NPL: variants seen among roughly 807,000 people sequenced by gnomAD.
NPL encodes N-acetylneuraminate pyruvate lyase.
In NPL, 32 loss-of-function variants were observed where a neutral mutation model predicts 41.1. The ratio of observed to expected loss-of-function variants is 0.78; its 90% CI spans 0.59 to 1.05. The LOEUF (loss-of-function observed/expected upper bound fraction) is 1.05, where lower values mean the gene tolerates loss of function less well. NPL is among the 50% of genes least tolerant of loss of function. The pLI is 0.00. For synonymous variants in NPL, 128 were observed against 134.9 expected, an observed-to-expected ratio of 0.95 and a Z score of 0.35; for missense variants, 321 against 378.4, an observed-to-expected ratio of 0.85 and a Z score of 1.26.
At chr1:182,816,843 A>C (rs777850769) in intron 8 of NPL, 37 bp downstream of exon 8, 1 of 1,489,566 alleles carries the variant, frequency 6.7e-7, no homozygotes, top group Non-Finnish European at 9.3e-7. Context: ...TTTCCTTCCA[A>C]CTCTCACATC....
At position 182,792,293 on chromosome 1, in the gene NPL, G is replaced by T. The variant is rs12137908; in HGVS notation, c.-17+7G>T. On this transcript the variant is annotated splice_region_variant and intron_variant, in intron 2 of 12. Coordinates refer to ENST00000367553, the MANE Select transcript of NPL (RefSeq NM_030769.3). The stretch of plus-strand genomic sequence containing the variant: ...GCTCAAGGTCACCTACCTGGTAAGT[G>T]GTGGAGCCAGGATGCAGATCCATGA... The T allele has an allele frequency of 0.083, 12,588 of 152,260 alleles. 616 individuals are homozygous for T. Among genetic ancestry groups the T allele is most frequent in the African/African-American group, 0.14 (5,890 of 41,512 alleles). 9.4% of individuals were successfully genotyped at this position (152,260 alleles called of 1,614,324 possible). A position where few individuals can be genotyped will look rare whatever the true frequency, so the allele number is the denominator to read the frequency against.
intron 3 of NPL, 152 bp from the exon 4 acceptor site, chr1:182,803,546 C>T: frequency 1.5e-6 from 1 of 661,244 alleles, no homozygotes; most frequent in Non-Finnish European, 2.7e-6. Context: ...GGAAAAAAAC[C>T]CCAGGCATTA....
intron 11 of NPL, 88 bp from the exon 12 acceptor site, chr1:182,825,693 T>A: frequency 2.1e-6 from 2 of 939,316 alleles, no homozygotes; most frequent in Non-Finnish European, 3.5e-6. Flanking sequence ...TGCAGACTTT[T>A]TAGGGTTTCT....
intron 12 of NPL, chr1:182,826,131 G>C: frequency 4.5e-6 from 2 of 445,566 alleles, no homozygotes; most frequent in Non-Finnish European, 8.2e-6. Context: ...CATTGAGGTT[G>C]ATTTCAGCCT....
intron 12 of NPL, chr1:182,826,692 G>A (rs1667639332): frequency 1.3e-5 from 2 of 152,144 alleles, no homozygotes; most frequent in African/African-American, 4.8e-5. Flanking sequence ...CTAAGCAATG[G>A]TTTCACAAAA....
At chr1:182,806,426 G>A (rs1557944949) in intron 5 of NPL, 194 bp downstream of exon 5, 2 of 1,538,098 alleles carry the variant, frequency 1.3e-6, no homozygotes, top group Non-Finnish European at 1.7e-6. Context: ...CAGAAGGGCA[G>A]CCAAACTGCT....
chr1:182,796,220 A>G, intron 3 of NPL, among the ~76,000 whole-genome samples: 1 of 151,990 alleles, frequency 6.6e-6, no homozygotes, highest in African/African-American at 2.4e-5. Flanking sequence ...TAAGAAATAA[A>G]TAGTGTAGGT....
chr1:182,796,132 C>A (rs2102527512), intron 3 of NPL, among the ~76,000 whole-genome samples: 1 of 132,230 alleles, frequency 7.6e-6, no homozygotes, highest in African/African-American at 3.0e-5. Context: ...CTGCGTTTTT[C>A]TTCTAGGAAC....
chr1:182,821,526 T>C (rs1667486413), intron 10 of NPL, among the ~76,000 whole-genome samples: 1 of 152,194 alleles, frequency 6.6e-6, no homozygotes, highest in Non-Finnish European at 1.5e-5. Flanking sequence ...AAACCAGGCC[T>C]ACCTTGCAGG....
At chr1:182,806,623 A>G in intron 5 of NPL, 1 of 1,401,028 alleles carries the variant, frequency 7.1e-7, no homozygotes, top group Non-Finnish European at 9.6e-7. Context: ...TGAGCGCCTG[A>G]TGCTTGTATT....
At chr1:182,806,282 A>G (rs1216321697) in intron 5 of NPL, 50 bp downstream of exon 5, 7 of 1,612,042 alleles carry the variant, frequency 4.3e-6, no homozygotes, top group African/African-American at 1.3e-5. Flanking sequence ...AGCTGTATTC[A>G]GTGAGCCTCT....
intron 10 of NPL, among the ~76,000 whole-genome samples, chr1:182,821,868 T>G (rs889120241): frequency 7.2e-5 from 11 of 152,132 alleles, no homozygotes; most frequent in African/African-American, 2.7e-4. Context: ...ACCTCCATCT[T>G]TTTTATCTTT....
At chr1:182,809,200 G>A (rs764717976) in intron 5 of NPL, 4 of 450,984 alleles carry the variant, frequency 8.9e-6, no homozygotes, top group Non-Finnish European at 1.8e-5. Context: ...ACCATCATAA[G>A]TTGGGGACCA....
intron 1 of NPL, among the ~76,000 whole-genome samples, chr1:182,790,932 C>T (rs3828158): frequency 5.3e-5 from 8 of 152,174 alleles, no homozygotes; most frequent in Non-Finnish European, 1.5e-5. Flanking sequence ...CTTGAGCCAC[C>T]GCGCCCGGCC....
At chr1:182,798,631 A>G (rs1476500435) in intron 3 of NPL, among the ~76,000 whole-genome samples, 1 of 152,210 alleles carries the variant, frequency 6.6e-6, no homozygotes. Flanking sequence ...TCGAGAAAAA[A>G]GTTGTGTTTT....
At chr1:182,806,270 A>G in intron 5 of NPL, 38 bp downstream of exon 5, 3 of 1,613,620 alleles carry the variant, frequency 1.9e-6, no homozygotes, top group Non-Finnish European at 2.5e-6. Context: ...CCCTTTGGCA[A>G]CAGCTGTATT....
chr1:182,800,919 G>A (rs999928647), intron 3 of NPL, among the ~76,000 whole-genome samples: 7 of 151,626 alleles, frequency 4.6e-5, no homozygotes, highest in African/African-American at 7.3e-5. Context: ...TAGTAGAGAC[G>A]GGATTTCACC....
At chr1:182,826,020 T>A in intron 12 of NPL, 200 bp downstream of exon 12, 1 of 632,120 alleles carries the variant, frequency 1.6e-6, no homozygotes, top group Non-Finnish European at 2.8e-6. Flanking sequence ...GGCAACCTTC[T>A]CCATTTTAGC....
chr1:182,829,199 A>G lies in NPL; in HGVS notation c.*291A>G, dbSNP rs1006257064. The G allele has an allele frequency of 3.4e-5, 43 of 1,275,504 alleles. No homozygotes were observed. The highest frequency in any genetic ancestry group is 3.9e-5 in the Non-Finnish European group (39 of 1,008,634). The allele number at this position is 1,275,504 out of a possible 1,614,324, so 79.0% of individuals were successfully genotyped here. A position where few individuals can be genotyped will look rare whatever the true frequency, so the allele number is the denominator to read the frequency against. ...AGGAAAATTGTAATTGATTAATTCC[A>G]TCTGTCTTTAGGAGCTCTCATTATC... On this transcript the variant is annotated 3_prime_UTR_variant, in exon 13 of 13. Coordinates refer to ENST00000367553, the MANE Select transcript of NPL (RefSeq NM_030769.3).
Sources: allele counts gnomAD v4.1 joint callset (sites outside exome capture counted in the v4.1 genomes callset), GRCh38; gene constraint gnomAD v4.1.1; transcripts MANE v1.5; gene names NCBI Gene and HGNC (gene_info 2026-07-23, HGNC 2026-07-21).